BICC1: variants seen among roughly 807,000 people sequenced by gnomAD.
The protein encoded by BICC1 is BicC family RNA binding protein 1, also known as protein bicaudal C homolog 1.
Under a neutral mutation model 111.0 loss-of-function variants are expected in BICC1, and 43 were observed. The observed-to-expected ratio is 0.39, with a 90% CI of 0.30 to 0.50. The LOEUF (loss-of-function observed/expected upper bound fraction) is 0.50, where lower values mean the gene tolerates loss of function less well. BICC1 is among the 20% of genes least tolerant of loss of function. The pLI is 0.88. For missense variants in BICC1, 1,091 were observed against 1,203.2 expected, an observed-to-expected ratio of 0.91 and a Z score of 1.38; for synonymous variants, 467 against 434.4, an observed-to-expected ratio of 1.07 and a Z score of -0.93.
At position 58,813,834 on chromosome 10, in the gene BICC1, C is replaced by T. The variant is rs149925354; in HGVS notation, c.2381C>T (p.Ser794Leu). The change falls in exon 18 of 21, where the codon TCA (serine) becomes TTA (leucine). Residue 794 changes from serine to leucine, a missense_variant. By Grantham distance (145) the Ser-to-Leu change is moderately radical (BLOSUM62 -2). Coordinates refer to ENST00000373886, the MANE Select transcript of BICC1 (RefSeq NM_001080512.3). ...KPTMTTTYEG[S>L]SMSLSRSNSR... The stretch of plus-strand genomic sequence containing the variant: ...TCTGGCTTTGTCTGTTTACAGGGCT[C>T]ATCCATGTCCCTTTCACGGTCCAAC... 31 of 1,613,676 alleles carry T rather than the reference C, an allele frequency of 1.9e-5. No individual in the cohort carries two copies. Among genetic ancestry groups the T allele is most frequent in the Middle Eastern group, 1.6e-4 (1 of 6,074 alleles).
rs529084005 is a variant in BICC1 at position 58,627,074 on chromosome 10, C to A, written c.237+6173C>A. 1.5e-3 allele frequency among the ~76,000 whole-genome samples: 230 copies of A among 152,128 alleles called. 2 individuals carry two copies. The highest frequency in any genetic ancestry group is 2.6e-3 in the Non-Finnish European group (175 of 68,018). ...CCAAGATTGTGCCATTGCACTCCAG[C>A]CTGGGCAACAAGAGCAAAACTCCAT... On this transcript the variant is annotated intron_variant, in intron 2 of 20. Coordinates refer to ENST00000373886, the MANE Select transcript of BICC1 (RefSeq NM_001080512.3).
At chr10:58,613,505 A>G (rs548540079) in intron 1 of BICC1, among the ~76,000 whole-genome samples, 1 of 152,306 alleles carries the variant, frequency 6.6e-6, no homozygotes, top group African/African-American at 2.4e-5. Context: ...TTTGCCCTCC[A>G]AATATAATGA....
intron 3 of BICC1, among the ~76,000 whole-genome samples, chr10:58,777,244 C>T (rs1842772377): frequency 6.6e-6 from 1 of 151,938 alleles, no homozygotes; most frequent in African/African-American, 2.4e-5. Context: ...TGATAAGTCA[C>T]AGTGGAATCT....
intron 3 of BICC1, among the ~76,000 whole-genome samples, chr10:58,711,567 A>T (rs1840573764): frequency 6.6e-6 from 1 of 152,164 alleles, no homozygotes; most frequent in Admixed American, 6.5e-5. Context: ...GTGACCTATT[A>T]GCAAGACTGA....
At chr10:58,678,954 T>G (rs530735438) in intron 2 of BICC1, among the ~76,000 whole-genome samples, 1 of 152,026 alleles carries the variant, frequency 6.6e-6, no homozygotes, top group South Asian at 2.1e-4. Flanking sequence ...AATAACAAAA[T>G]TAGGCAGAAA....
At position 58,601,140 on chromosome 10, in the gene BICC1, TTATATATA is replaced by T. The variant is rs71033690; in HGVS notation, c.191-19691_191-19684del. ...ACTTTTTAGGCAGTCATTTTAAAAC[TTATATATA>T]TATATATATATATATATATATATCT... On this transcript the variant is annotated intron_variant, in intron 1 of 20. Transcript: ENST00000373886. Among the ~76,000 whole-genome samples, 16 of 100,662 alleles carry T rather than the reference TTATATATA, an allele frequency of 1.6e-4. 1 individual carries two copies. Among genetic ancestry groups the T allele is most frequent in the South Asian group, 3.1e-4 (1 of 3,196 alleles). The allele number at this position is 100,662 out of a possible 152,430, so 66.0% of individuals were successfully genotyped here.
intron 3 of BICC1, among the ~76,000 whole-genome samples, chr10:58,765,594 C>A (rs1445503229): frequency 6.6e-6 from 1 of 152,106 alleles, no homozygotes; most frequent in East Asian, 1.9e-4. Context: ...AAACATGTGC[C>A]CTGTCAAGAC....
intron 20 of BICC1, among the ~76,000 whole-genome samples, chr10:58,820,712 T>A (rs943041454): frequency 2.0e-5 from 3 of 152,152 alleles, no homozygotes; most frequent in Non-Finnish European, 4.4e-5. Context: ...TTCAGAAAGA[T>A]CTAACCAAAA....
chr10:58,569,081 G>A (rs970263430), intron 1 of BICC1, among the ~76,000 whole-genome samples: 1 of 152,160 alleles, frequency 6.6e-6, no homozygotes, highest in Admixed American at 6.5e-5. Flanking sequence ...AACAAAGGTA[G>A]GGAAATGAAC....
At chr10:58,727,221 A>G (rs1014551698) in intron 3 of BICC1, among the ~76,000 whole-genome samples, 5 of 152,170 alleles carry the variant, frequency 3.3e-5, no homozygotes, top group Admixed American at 6.5e-5. Flanking sequence ...TCTTTATTTT[A>G]TTCATTTAAT....
intron 3 of BICC1, among the ~76,000 whole-genome samples, chr10:58,713,456 A>G (rs1289123449): frequency 2.0e-4 from 30 of 152,226 alleles, no homozygotes; most frequent in Admixed American, 2.0e-3. Context: ...TAATCCTCAC[A>G]ATAACCCACA....
chr10:58,686,134 G>A (rs1049077665), intron 2 of BICC1, among the ~76,000 whole-genome samples: 1 of 152,100 alleles, frequency 6.6e-6, no homozygotes, highest in Non-Finnish European at 1.5e-5. Flanking sequence ...AGCTTAGTTT[G>A]GCTGGATATG....
chr10:58,530,612 G>T (rs1256014386), intron 1 of BICC1, among the ~76,000 whole-genome samples: 1 of 150,674 alleles, frequency 6.6e-6, no homozygotes, highest in East Asian at 2.0e-4. Context: ...TAGCCTCGCT[G>T]GAATCAGAGA....
chr10:58,531,046 C>T (rs74431478), intron 1 of BICC1, among the ~76,000 whole-genome samples: 2,101 of 151,906 alleles, frequency 0.014, 39 homozygotes, highest in African/African-American at 0.048. Context: ...CCCCAAGCCA[C>T]CACAGCTAAT....
intron 2 of BICC1, among the ~76,000 whole-genome samples, chr10:58,639,809 C>T (rs1370417869): frequency 4.7e-5 from 7 of 147,958 alleles, no homozygotes; most frequent in African/African-American, 1.7e-4. Context: ...ACCTCCCAGG[C>T]TCAAGTGATC....
intron 9 of BICC1, 64 bp downstream of exon 9, chr10:58,793,679 G>A (rs1282874023): frequency 1.3e-6 from 2 of 1,541,550 alleles, no homozygotes; most frequent in Admixed American, 3.7e-5. Flanking sequence ...GTTTTATTTT[G>A]CATAGAAGTA....
intron 2 of BICC1, among the ~76,000 whole-genome samples, chr10:58,687,150 G>A (rs2132392509): frequency 6.6e-6 from 1 of 152,352 alleles, no homozygotes; most frequent in South Asian, 2.1e-4. Flanking sequence ...TCCAGACCCT[G>A]TTTGCCTGGG....
chr10:58,812,846 A>G (rs1489954635), intron 17 of BICC1, among the ~76,000 whole-genome samples: 3 of 152,156 alleles, frequency 2.0e-5, no homozygotes, highest in Non-Finnish European at 4.4e-5. Context: ...TACTGTCATT[A>G]CTTTTTGAAA....
intron 3 of BICC1, among the ~76,000 whole-genome samples, chr10:58,716,747 AC>A (rs1840755757): frequency 6.6e-6 from 1 of 151,510 alleles, no homozygotes; most frequent in African/African-American, 2.4e-5. Flanking sequence ...CCCCTCGTAT[AC>A]TTTTATTTAC....
Sources: allele counts gnomAD v4.1 joint callset (sites outside exome capture counted in the v4.1 genomes callset), GRCh38; gene constraint gnomAD v4.1.1; transcripts MANE v1.5; gene names NCBI Gene and HGNC (gene_info 2026-07-23, HGNC 2026-07-21).